Variants in PDE1C observed in about 807,000 individuals in gnomAD.
PDE1C encodes the protein phosphodiesterase 1C.
A neutral mutation model predicts 93.1 loss-of-function variants in PDE1C; 62 were observed. The ratio of observed to expected loss-of-function variants is 0.67; its 90% CI spans 0.54 to 0.82. The LOEUF is 0.82. Ranked by LOEUF, PDE1C falls within the 40% of genes least tolerant of loss-of-function variation. PDE1C has a pLI of 0.00. For synonymous variants in PDE1C, 325 were observed against 310.1 expected (o/e 1.05, Z -0.50); for missense variants, 742 against 884.6 (o/e 0.84, Z 2.04).
At chr7:31,669,328 C>A in the PDE1C span, among the ~76,000 whole-genome samples, 1 of 152,102 alleles carries the variant, frequency 6.6e-6, no homozygotes, top group Admixed American at 6.5e-5. Flanking sequence ...CAGGACAAGA[C>A]ACTAGCCAAA....
At chr7:32,006,887 C>G (rs1486655202) in intron 2 of PDE1C, among the ~76,000 whole-genome samples, 1 of 152,166 alleles carries the variant, frequency 6.6e-6, no homozygotes, top group African/African-American at 2.4e-5. Flanking sequence ...GCTCTGCCAC[C>G]CTCCAGCTAC....
At chr7:31,940,629 A>G in intron 2 of PDE1C, among the ~76,000 whole-genome samples, 1 of 152,140 alleles carries the variant, frequency 6.6e-6, no homozygotes. Context: ...GGCATTTAGA[A>G]GAGTGATTAT....
At chr7:31,720,697 T>C in the PDE1C span, among the ~76,000 whole-genome samples, 1 of 152,232 alleles carries the variant, frequency 6.6e-6, no homozygotes, top group African/African-American at 2.4e-5. Flanking sequence ...TCATAATTTG[T>C]AACTGTGTAG....
chr7:31,974,728 C>T (rs1475316227), intron 2 of PDE1C, among the ~76,000 whole-genome samples: 1 of 152,126 alleles, frequency 6.6e-6, no homozygotes, highest in Non-Finnish European at 1.5e-5. Context: ...AAACTAAGGC[C>T]TTAAAAAACC....
intron 8 of PDE1C, 105 bp downstream of exon 8, chr7:31,850,536 A>G: frequency 1.3e-6 from 1 of 768,890 alleles, no homozygotes; most frequent in Non-Finnish European, 2.3e-6. Flanking sequence ...CAGAAATTCA[A>G]AATAGGAAAC....
intron 2 of PDE1C, among the ~76,000 whole-genome samples, chr7:31,967,407 C>A (rs1563116067): frequency 6.6e-6 from 1 of 151,920 alleles, no homozygotes; most frequent in Admixed American, 6.5e-5. Context: ...AAGACTAAAC[C>A]AGGAAGAAGT....
intron 1 of PDE1C, among the ~76,000 whole-genome samples, chr7:32,417,630 A>G (rs1312973835): frequency 2.0e-5 from 3 of 151,454 alleles, no homozygotes; most frequent in Admixed American, 2.0e-4. Flanking sequence ...CTCCCAGGGA[A>G]AAGTTCTATT....
At chr7:32,341,029 G>A (rs188945585) in intron 1 of PDE1C, among the ~76,000 whole-genome samples, 6 of 152,196 alleles carry the variant, frequency 3.9e-5, no homozygotes, top group African/African-American at 1.2e-4. Context: ...GTCCATGTAG[G>A]TTCAGCAATG....
At chr7:31,912,166 A>T (rs948539838) in intron 2 of PDE1C, among the ~76,000 whole-genome samples, 3 of 152,226 alleles carry the variant, frequency 2.0e-5, no homozygotes, top group African/African-American at 7.2e-5. Context: ...GAGAAAAGTC[A>T]ATGAAACCTA....
chr7:32,309,572 A>T (rs914473743), intron 1 of PDE1C, among the ~76,000 whole-genome samples: 2 of 152,254 alleles, frequency 1.3e-5, no homozygotes, highest in African/African-American at 4.8e-5. Context: ...TCTACAAGCC[A>T]GAAGGGAGTG....
At chr7:32,091,128 G>A (rs1232207179) in intron 3 of PDE1C, among the ~76,000 whole-genome samples, 4 of 152,138 alleles carry the variant, frequency 2.6e-5, no homozygotes, top group Non-Finnish European at 2.9e-5. Flanking sequence ...TAGCAGTAGT[G>A]CTTATTGAAT....
chr7:31,629,016 C>A, the PDE1C span, among the ~76,000 whole-genome samples: 2 of 151,926 alleles, frequency 1.3e-5, no homozygotes, highest in African/African-American at 4.8e-5. Flanking sequence ...ATTAAAGTCT[C>A]CAAAAAAATT....
Position 32,034,750 on chromosome 7 carries a change from T to C in PDE1C, c.128+16804A>G, listed in dbSNP as rs904098564. On this transcript the variant is annotated intron_variant, in intron 2 of 17. Transcript: ENST00000396191. The stretch of plus-strand genomic sequence containing the variant: ...GCAAGGTAGCATAAGAGTTAAGAGA[T>C]TGGGGCCAAAAGTCAAATTGACCTC... 5.3e-5 allele frequency among the ~76,000 whole-genome samples: 8 copies of C among 152,254 alleles called. No individual in the cohort carries two copies. The South Asian group carries it at 1.2e-3, about 24-fold the overall frequency.
chr7:32,426,548 G>A (rs1057113064), intron 1 of PDE1C, among the ~76,000 whole-genome samples: 12 of 152,020 alleles, frequency 7.9e-5, no homozygotes, highest in African/African-American at 2.9e-4. Flanking sequence ...CACTGCACCT[G>A]GCTGTACTCA....
the PDE1C span, among the ~76,000 whole-genome samples, chr7:31,738,835 A>C: frequency 6.6e-6 from 1 of 152,166 alleles, no homozygotes; most frequent in Admixed American, 6.5e-5. Context: ...ATGTTCTCCC[A>C]GGTAGACCAG....
intron 3 of PDE1C, among the ~76,000 whole-genome samples, chr7:32,091,533 A>T (rs530992526): frequency 6.6e-6 from 1 of 152,316 alleles, no homozygotes; most frequent in African/African-American, 2.4e-5. Flanking sequence ...GCAGAAGAGT[A>T]AGTCAGGAAG....
At chr7:32,384,861 A>G (rs1433250489) in intron 1 of PDE1C, among the ~76,000 whole-genome samples, 3 of 152,208 alleles carry the variant, frequency 2.0e-5, no homozygotes, top group African/African-American at 7.2e-5. Flanking sequence ...GGGATTCTGC[A>G]TTTTTAATGA....
At chr7:31,635,911 G>A in the PDE1C span, among the ~76,000 whole-genome samples, 14 of 152,128 alleles carry the variant, frequency 9.2e-5, no homozygotes, top group Admixed American at 6.6e-4. Flanking sequence ...TGCACATCCT[G>A]CACACATACC....
chr7:31,754,479 C>A (rs1467839903), intron 17 of PDE1C, among the ~76,000 whole-genome samples: 1 of 152,120 alleles, frequency 6.6e-6, no homozygotes, highest in African/African-American at 2.4e-5. Context: ...AAGCTGGAAG[C>A]AACTAAGATG....
Sources: gnomAD v4.1 joint callset for allele counts (sites outside exome capture counted in the v4.1 genomes callset) on GRCh38, gnomAD v4.1.1 for gene constraint, MANE v1.5 for transcripts, NCBI Gene and HGNC (gene_info 2026-07-23, HGNC 2026-07-21) for gene names.